Variants in WIZ observed in about 807,000 individuals in gnomAD.
WIZ encodes WIZ zinc finger.
In WIZ, 25 loss-of-function variants were observed where a neutral mutation model predicts 140.2. The ratio of observed to expected loss-of-function variants is 0.18; its 90% confidence interval spans 0.13 to 0.25. The LOEUF is 0.25. Ranked by LOEUF, WIZ falls within the 10% of genes least tolerant of loss-of-function variation. WIZ has a pLI of 1.00. For missense variants in WIZ, 2,231 were observed against 2,632.6 expected (o/e 0.85, Z 3.34); for synonymous variants, 1,125 against 1,154.3 (o/e 0.97, Z 0.51).
chr19:15,424,501 G>A lies in WIZ; in HGVS notation c.5314+112C>T, dbSNP rs1159884802. ...GGGATGGGGGATGGATGGGTGAATGGGTAAGCAACTGGAGAAAGGACTTAA... is the reference window on the plus strand; with the variant it reads ...GGGATGGGGGATGGATGGGTGAATGAGTAAGCAACTGGAGAAAGGACTTAA... On this transcript the variant is annotated intron_variant, in intron 11 of 12. Transcript: ENST00000673675. This position sits in a 1 kb window ranked among gnomAD's most constrained non-coding sequence, Gnocchi z 9.7. 6.5e-6 allele frequency: 10 copies of A among 1,529,926 alleles called. No homozygotes were observed. The East Asian group carries it at 2.1e-4, about 32-fold the overall frequency. The allele number at this position is 1,529,926 out of a possible 1,614,324, so 94.8% of individuals were successfully genotyped here. A position where few individuals can be genotyped will look rare whatever the true frequency, so the allele number is the denominator to read the frequency against.
Position 15,424,172 on chromosome 19 carries a change from G to T in WIZ, c.5510+11C>A. Reference sequence around the variant, plus strand: ...CAGGTGGTCTCCCTCCCTCCCCCAGGGGCAGCCTACCTGCATTTGAGGGTG... The same window carrying T: ...CAGGTGGTCTCCCTCCCTCCCCCAGTGGCAGCCTACCTGCATTTGAGGGTG... On this transcript the variant is annotated intron_variant, in intron 12 of 12. Transcript: ENST00000673675. The surrounding 1 kb of genome is among the most constrained non-coding windows in gnomAD (Gnocchi z 9.7). 6.7e-7 allele frequency: 1 copy of T among 1,500,630 alleles called. No homozygotes were observed. The highest frequency in any genetic ancestry group is 2.4e-5 in the Admixed American group (1 of 42,216). 93.0% of individuals were successfully genotyped at this position (1,500,630 alleles called of 1,614,324 possible).
chr19:15,433,516 C>G (rs1290795268), intron 5 of WIZ, among the ~76,000 whole-genome samples: 1 of 152,210 alleles, frequency 6.6e-6, no homozygotes, highest in East Asian at 1.9e-4. Flanking sequence ...AACCGCCAAC[C>G]CTCTGCCTCG....
Position 15,429,907 on chromosome 19 carries a change from G to A in WIZ, c.3094C>T (p.Leu1032=). The part of the protein sequence containing the change: ...QKGLPDAHLG[L]PPGLAKKSSS... ...GACTTCTTAGCCAGGCCTGGGGGCA[G>A]CCCAAGGTGGGCGTCAGGCAGACCC... is the stretch of plus-strand genomic sequence containing the variant. The change falls in exon 7 of 13, where the codon CTG becomes TTG. Residue 1032 remains leucine, a synonymous_variant. Coordinates refer to ENST00000673675, the MANE Select transcript of WIZ (RefSeq NM_001371589.1). The A allele has an allele frequency of 6.5e-7, 1 of 1,535,994 alleles. No homozygotes were observed.
Position 15,429,722 on chromosome 19 carries a change from C to G in WIZ, c.3279G>C (p.Lys1093Asn). The G allele has an allele frequency of 2.7e-6, 4 of 1,460,822 alleles. No homozygotes were observed. Among genetic ancestry groups the G allele is most frequent in the Non-Finnish European group, 3.6e-6 (4 of 1,109,990 alleles). The allele number at this position is 1,460,822 out of a possible 1,614,324, so 90.5% of individuals were successfully genotyped here. ...GHPPSSPLLK[K>N]TPLALAGSPT... ...GGGAGCCCGCCAGGGCCAGTGGTGT[C>G]TTTTTGAGGAGTGGAGAGCTGGGCG... Residue 1093 changes from lysine to asparagine, a missense_variant, in exon 7 of 13, where the codon AAG becomes AAC. Lys to Asn is a moderately conservative substitution (Grantham distance 94). Around this residue, in one of 15 missense-constraint regions of WIZ, gnomAD observed 163 missense variants for 166.8 expected, o/e 0.98. Transcript: ENST00000673675.
intron 9 of WIZ, 126 bp downstream of exon 9, chr19:15,426,856 T>C: frequency 8.7e-7 from 1 of 1,145,734 alleles, no homozygotes; most frequent in Non-Finnish European, 1.2e-6. Flanking sequence ...CAGCTAACCC[T>C]GTGTCCTCTC....
Position 15,428,035 on chromosome 19 carries a change from GGGGGCTGTGACCCCCCCCCCGGGA to G in WIZ, c.3814+51_3814+74del. 5 of 1,508,868 alleles carry G rather than the reference GGGGGCTGTGACCCCCCCCCCGGGA, an allele frequency of 3.3e-6. No homozygotes were observed. The highest frequency in any genetic ancestry group is 2.4e-4 in the Middle Eastern group (1 of 4,242). The allele number at this position is 1,508,868 out of a possible 1,614,324, so 93.5% of individuals were successfully genotyped here. On this transcript the variant is annotated intron_variant, in intron 8 of 12. Transcript: ENST00000673675. This position sits in a 1 kb window ranked among gnomAD's most constrained non-coding sequence, Gnocchi z 6.4. ...TGTCTACTCCCTGCCCCAGCAGGGA[GGGGGCTGTGACCCCCCCCCCGGGA>G]GGGGCTCCAGGGCCCGCAGTGAGGA...
chr19:15,447,134 T>G (rs1969946491), intron 2 of WIZ, among the ~76,000 whole-genome samples: 1 of 152,208 alleles, frequency 6.6e-6, no homozygotes, highest in Non-Finnish European at 1.5e-5. Flanking sequence ...GCAAAAGCCT[T>G]GGCACGGAGG....
chr19:15,447,985 G>A, intron 2 of WIZ, 118 bp downstream of exon 2: 1 of 1,185,460 alleles, frequency 8.4e-7, no homozygotes, highest in Non-Finnish European at 1.2e-6. Context: ...AAAGGCTCTG[G>A]ACCCAAGCGG....
intron 10 of WIZ, 98 bp downstream of exon 10, chr19:15,425,143 G>A (rs939897813): frequency 1.9e-4 from 290 of 1,527,486 alleles, no homozygotes; most frequent in Non-Finnish European, 2.4e-4. Flanking sequence ...ACCCAGCCAT[G>A]GGGGCCCCAC....
At position 15,428,991 on chromosome 19, in the gene WIZ, T is replaced by G. The variant is rs924834663; in HGVS notation, c.3416-483A>C. Reference sequence around the variant, plus strand: ...CCAGACTCTAATGTCCACAAAGATATGGGAAAGCCTGATGTTGTAAGGGAC... The same window carrying G: ...CCAGACTCTAATGTCCACAAAGATAGGGGAAAGCCTGATGTTGTAAGGGAC... On this transcript the variant is annotated intron_variant, in intron 7 of 12. Transcript: ENST00000673675. This position sits in a 1 kb window ranked among gnomAD's most constrained non-coding sequence, Gnocchi z 6.4. Among the ~76,000 whole-genome samples, 2 of 152,122 alleles carry G rather than the reference T, an allele frequency of 1.3e-5. No individual in the cohort carries two copies. The highest frequency in any genetic ancestry group is 4.8e-5 in the African/African-American group (2 of 41,444).
chr19:15,446,581 C>T (rs1391789759), intron 2 of WIZ, among the ~76,000 whole-genome samples: 1 of 152,204 alleles, frequency 6.6e-6, no homozygotes, highest in Non-Finnish European at 1.5e-5. Flanking sequence ...ATGCCACCAG[C>T]TACCTCTAAG....
chr19:15,424,135 C>G lies in WIZ; in HGVS notation c.5510+48G>C. 1 of 1,435,948 alleles carries G rather than the reference C, an allele frequency of 7.0e-7. No homozygotes were observed. The highest frequency in any genetic ancestry group is 1.5e-5 in the African/African-American group (1 of 68,100). 89.0% of individuals were successfully genotyped at this position (1,435,948 alleles called of 1,614,324 possible). On this transcript the variant is annotated intron_variant, in intron 12 of 12. Coordinates refer to ENST00000673675, the MANE Select transcript of WIZ (RefSeq NM_001371589.1). The surrounding 1 kb of genome is among the most constrained non-coding windows in gnomAD (Gnocchi z 9.7). ...TATCCTGTTCCAAGGCTCCGGGTGA[C>G]CAAGGTCCACTCAGGTGGTCTCCCT...
rs763423008 is a variant in WIZ, at chr19:15,448,333, C to T, written c.-26G>A. ...CGGATTTTCTCTGCTTGGATCCACT[C>T]AGCTGCTGCACCGGCTCAGCGGGGC... On this transcript the variant is annotated 5_prime_UTR_variant, in exon 2 of 13. Coordinates refer to ENST00000673675, the MANE Select transcript of WIZ (RefSeq NM_001371589.1). 1.9e-5 allele frequency: 30 copies of T among 1,608,416 alleles called. No homozygotes were observed. Among genetic ancestry groups the T allele is most frequent in the Non-Finnish European group, 3.4e-6 (4 of 1,179,722 alleles).
rs1568290295 is a variant in WIZ, at chr19:15,425,836, GGGAGGAGGAGGAGGGAGGAGGGA to G, written c.4367-91_4367-69del. The G allele has an allele frequency of 7.7e-3, 413 of 53,820 alleles. 58 individuals carry two copies. Among genetic ancestry groups the G allele is most frequent in the East Asian group, 0.063 (45 of 716 alleles). The allele number at this position is 53,820 out of a possible 1,614,324, so 3.3% of individuals were successfully genotyped here. On this transcript the variant is annotated intron_variant, in intron 9 of 12. Coordinates refer to ENST00000673675, the MANE Select transcript of WIZ (RefSeq NM_001371589.1). ...GAGGAGGGAGGAGGAGGGAGGAGGA[GGGAGGAGGAGGAGGGAGGAGGGA>G]GGAGGAGGAGGAGGAGGAGGAGGAG...
At chr19:15,448,487 C>T in intron 1 of WIZ, 120 bp from the exon 2 acceptor site, 2 of 732,416 alleles carry the variant, frequency 2.7e-6, no homozygotes. Context: ...TACCTCCCAG[C>T]CCAGGGGAGC....
At chr19:15,436,567 A>C in intron 5 of WIZ, 2 of 486,936 alleles carry the variant, frequency 4.1e-6, no homozygotes, top group Non-Finnish European at 7.1e-6. Context: ...TGTCAAAGTC[A>C]CTGGCAGGAA....
rs1969675501 is a variant in WIZ, at chr19:15,440,061, C to A, written c.933G>T (p.Glu311Asp). ...VASPDEDEDEEPAVFPCIECS... is the reference protein window; with the variant it reads ...VASPDEDEDEDPAVFPCIECS... The stretch of plus-strand genomic sequence containing the variant: ...ACTCGATGCATGGGAACACGGCCGG[C>A]TCCTCGTCCTCGTCCTCATCTGGGC... The change falls in exon 4 of 13, where the codon GAG (glutamate) becomes GAT (aspartate). Residue 311 changes from glutamate to aspartate, a missense_variant. Glu to Asp is a conservative substitution (Grantham distance 45). Transcript: ENST00000673675. The surrounding 1 kb of genome is among the most constrained non-coding windows in gnomAD (Gnocchi z 6.2). 5 of 1,535,714 alleles carry A rather than the reference C, an allele frequency of 3.3e-6. No individual in the cohort carries two copies. The highest frequency in any genetic ancestry group is 4.4e-6 in the Non-Finnish European group (5 of 1,146,764).
intron 5 of WIZ, among the ~76,000 whole-genome samples, chr19:15,432,874 G>A (rs1254309992): frequency 6.6e-6 from 1 of 151,882 alleles, no homozygotes; most frequent in Non-Finnish European, 1.5e-5. Flanking sequence ...GAGCGAAACC[G>A]TTCGTCTGGG....
chr19:15,425,799 G>A lies in WIZ; in HGVS notation c.4367-31C>T, dbSNP rs551480693. ...GGGGATCCAGGGTAGGGGGAAGGAG[G>A]AGGAGGAGGAGGAGGAGGGAGGAGG... On this transcript the variant is annotated intron_variant, in intron 9 of 12. Coordinates refer to ENST00000673675, the MANE Select transcript of WIZ (RefSeq NM_001371589.1). 280 of 1,135,786 alleles carry A rather than the reference G, an allele frequency of 2.5e-4. 4 individuals are homozygous for A. In the African/African-American group the frequency reaches 7.0e-3, roughly 28 times the overall value. The allele number at this position is 1,135,786 out of a possible 1,614,324, so 70.4% of individuals were successfully genotyped here. A position where few individuals can be genotyped will look rare whatever the true frequency, so the allele number is the denominator to read the frequency against.
Sources: gnomAD v4.1 joint callset for allele counts (sites outside exome capture counted in the v4.1 genomes callset) on GRCh38, gnomAD v4.1.1 for gene constraint, gnomAD v4.1.1 regional missense constraint, Gnocchi (gnomAD v3.1) non-coding constraint, MANE v1.5 for transcripts, NCBI Gene and HGNC (gene_info 2026-07-23, HGNC 2026-07-21) for gene names.